The following VCAN variants were observed in gnomAD, a reference collection of about 807,000 sequenced individuals.
VCAN encodes the protein versican core protein.
VCAN carries 44 observed loss-of-function variants against 245.5 expected under a neutral mutation model. The ratio of observed to expected loss-of-function variants is 0.18; its 90% CI spans 0.14 to 0.23. The LOEUF (loss-of-function observed/expected upper bound fraction) is 0.23. Among genes scored for constraint, VCAN ranks in the 10% least tolerant of loss-of-function variants. The pLI, the probability that VCAN is intolerant of heterozygous loss-of-function variation, is 1.00. For missense variants in VCAN, 3,793 were observed against 4,057.9 expected, an observed-to-expected ratio of 0.93 and a Z score of 1.77; for synonymous variants, 1,413 against 1,437.0, an observed-to-expected ratio of 0.98 and a Z score of 0.38.
chr5:83,509,040 GAA>G (rs1745564440), intron 5 of VCAN, among the ~76,000 whole-genome samples: 3 of 142,470 alleles, frequency 2.1e-5, no homozygotes, highest in Non-Finnish European at 4.6e-5. Context: ...TGAAAAGAAA[GAA>G]AGAAAGAAAG....
intron 7 of VCAN, among the ~76,000 whole-genome samples, chr5:83,534,451 G>T (rs918636289): frequency 6.6e-6 from 1 of 151,992 alleles, no homozygotes; most frequent in Non-Finnish European, 1.5e-5. Flanking sequence ...GCTTGACACT[G>T]ACCCATGTTT....
chr5:83,490,590 G>T, intron 3 of VCAN, 118 bp downstream of exon 3: 1 of 1,425,190 alleles, frequency 7.0e-7, no homozygotes, highest in African/African-American at 1.4e-5. Context: ...AAAAACACCT[G>T]TCAATCCAGT....
chr5:83,506,877 A>C (rs1209179473), intron 5 of VCAN, among the ~76,000 whole-genome samples: 1 of 152,182 alleles, frequency 6.6e-6, no homozygotes, highest in Non-Finnish European at 1.5e-5. Context: ...AGGAAGAAGC[A>C]AAAGCAGAAA....
At chr5:83,536,701 C>T (rs1746725051) in intron 7 of VCAN, 1 of 200,108 alleles carries the variant, frequency 5.0e-6, no homozygotes, top group Admixed American at 5.6e-5. Flanking sequence ...AATTCCTGCA[C>T]TTCAAGATTA....
Position 83,540,721 on chromosome 5 carries a change from A to G in VCAN, c.7718A>G (p.Asp2573Gly). ...GAAATTCTACCTGAGCTGACATCGG[A>G]TAAAAATACTATCATAGATATTGAT... The part of the protein sequence containing the change: ...ILEILPELTS[D>G]KNTIIDIDHT... Residue 2573 changes from aspartate to glycine, a missense_variant, in exon 8 of 15, where the codon GAT becomes GGT. By Grantham distance (94) the Asp-to-Gly change is moderately conservative. Coordinates refer to ENST00000265077, the MANE Select transcript of VCAN (RefSeq NM_004385.5). 6.2e-7 allele frequency: 1 copy of G among 1,613,984 alleles called. No homozygotes were observed. The highest frequency in any genetic ancestry group is 8.5e-7 in the Non-Finnish European group (1 of 1,179,968).
At chr5:83,549,006 T>C (rs1388724237) in intron 10 of VCAN, among the ~76,000 whole-genome samples, 2 of 152,200 alleles carry the variant, frequency 1.3e-5, no homozygotes, top group Admixed American at 6.5e-5. Flanking sequence ...GGTTTTTTTC[T>C]TTTTTTATTG....
At position 83,520,460 on chromosome 5, in the gene VCAN, A is replaced by G; in HGVS notation, c.2154A>G (p.Glu718=). The change falls in exon 7 of 15, where the codon GAA becomes GAG. Residue 718 remains glutamate (E), a synonymous_variant. Coordinates refer to ENST00000265077, the MANE Select transcript of VCAN (RefSeq NM_004385.5). ...GTCCATTTATGGGAAAAACAGAAGA[A>G]GAAGTCTTCTCTGGGATGAAACTCT... ...TKSPFMGKTE[E]EVFSGMKLST... is the part of the protein sequence containing the mutation. 6.2e-7 allele frequency: 1 copy of G among 1,614,014 alleles called. No individual in the cohort carries two copies. Among genetic ancestry groups the G allele is most frequent in the Non-Finnish European group, 8.5e-7 (1 of 1,179,974 alleles).
At chr5:83,534,626 G>A (rs1251169833) in intron 7 of VCAN, among the ~76,000 whole-genome samples, 2 of 151,998 alleles carry the variant, frequency 1.3e-5, no homozygotes, top group African/African-American at 4.8e-5. Flanking sequence ...TAAAATGGTA[G>A]TGTGAGCAGT....
In VCAN at chr5:83,581,463, G is replaced by A. The variant is rs891563222; in HGVS notation, c.*1029G>A. The A allele has an allele frequency of 6.6e-6, 1 of 152,034 alleles. No individual in the cohort carries two copies. The highest frequency in any genetic ancestry group is 2.4e-5 in the African/African-American group (1 of 41,392). The allele number at this position is 152,034 out of a possible 1,614,324, so 9.4% of individuals were successfully genotyped here. On this transcript the variant is annotated 3_prime_UTR_variant, in exon 15 of 15. Coordinates refer to ENST00000265077, the MANE Select transcript of VCAN (RefSeq NM_004385.5). ...TAAGCCATACTGATTTAATTTATTG[G>A]ATGTTATTTTCCCTAAGACCTGAAA... is the stretch of plus-strand genomic sequence containing the variant.
intron 5 of VCAN, among the ~76,000 whole-genome samples, chr5:83,499,318 G>A (rs1359496038): frequency 6.6e-6 from 1 of 152,026 alleles, no homozygotes; most frequent in Admixed American, 6.6e-5. Flanking sequence ...GCTCCTAGTA[G>A]AGATAAGACC....
intron 13 of VCAN, among the ~76,000 whole-genome samples, chr5:83,575,318 G>A (rs985010622): frequency 6.6e-6 from 1 of 152,166 alleles, no homozygotes; most frequent in African/African-American, 2.4e-5. Flanking sequence ...TACATGAGAA[G>A]CTTTCCTGAC....
Position 83,539,655 on chromosome 5 carries a change from G to A in VCAN, c.6652G>A (p.Ala2218Thr). ...ATALVTESIP[A>T]EHVVTDSPIK... ...TGCATTAGTAACTGAATCTATACCA[G>A]CTGAACATGTAGTCACAGATTCACC... The change falls in exon 8 of 15, where the codon GCT becomes ACT. Residue 2218 changes from alanine to threonine, a missense_variant. Around this residue, in one of 5 missense-constraint regions of VCAN, gnomAD observed 3,182 missense variants for 3,250.3 expected, o/e 0.98. Coordinates refer to ENST00000265077, the MANE Select transcript of VCAN (RefSeq NM_004385.5). 1.2e-6 allele frequency: 2 copies of A among 1,613,898 alleles called. No individual in the cohort carries two copies. Among genetic ancestry groups the A allele is most frequent in the Non-Finnish European group, 1.7e-6 (2 of 1,179,998 alleles).
At chr5:83,553,669 C>A in intron 11 of VCAN, 147 bp downstream of exon 11, 1 of 1,152,172 alleles carries the variant, frequency 8.7e-7, no homozygotes, top group Non-Finnish European at 1.2e-6. Context: ...AAAATCATCT[C>A]ACCTATGTTA....
chr5:83,519,788 A>G lies in VCAN; in HGVS notation c.1482A>G (p.Glu494=). Residue 494 remains glutamate (E), a synonymous_variant, in exon 7 of 15, where the codon GAA becomes GAG. Coordinates refer to ENST00000265077, the MANE Select transcript of VCAN (RefSeq NM_004385.5). ...QESVTQIEQI[E]VGPLVTSMEI... ...CGGTTACACAGATTGAACAAATAGA[A>G]GTGGGTCCTTTGGTAACATCTATGG... 1 of 1,614,184 alleles carries G rather than the reference A, an allele frequency of 6.2e-7. No individual in the cohort carries two copies. Among genetic ancestry groups the G allele is most frequent in the South Asian group, 1.1e-5 (1 of 91,090 alleles).
chr5:83,545,029 A>T (rs895550312), intron 8 of VCAN: 1 of 190,792 alleles, frequency 5.2e-6, no homozygotes, highest in Non-Finnish European at 1.1e-5. Flanking sequence ...AAGAGACTTC[A>T]GTGCACACTT....
chr5:83,534,770 T>A (rs1428811184), intron 7 of VCAN, among the ~76,000 whole-genome samples: 1 of 152,206 alleles, frequency 6.6e-6, no homozygotes, highest in African/African-American at 2.4e-5. Context: ...ATAAAATTAT[T>A]GATGTGAATA....
rs563678994 is a variant in VCAN, at chr5:83,475,486, A to G, written c.-7+3463A>G. 2.7e-4 allele frequency among the ~76,000 whole-genome samples: 41 copies of G among 152,314 alleles called. 1 individual carries two copies. The highest frequency in any genetic ancestry group is 1.2e-3 in the Admixed American group (19 of 15,302). ...ACCCATCCTGAAAATATTCACATAA[A>G]GTCCTAAAATAGGATGTTGTGAGTG... On this transcript the variant is annotated intron_variant, in intron 1 of 14. Transcript: ENST00000265077.
In VCAN at chr5:83,541,188, C is replaced by T; in HGVS notation, c.8185C>T (p.Gln2729Ter). The T allele has an allele frequency of 6.2e-7, 1 of 1,613,970 alleles. No homozygotes were observed. Among genetic ancestry groups the T allele is most frequent in the Non-Finnish European group, 8.5e-7 (1 of 1,180,000 alleles). Residue 2729 changes from glutamine to a stop codon, truncating the protein, a stop_gained, in exon 8 of 15, where the codon CAA (glutamine) becomes TAA (stop). Transcript: ENST00000265077. LOFTEE classifies it high-confidence loss of function. ...MFESSTLSDG[Q>*]AIADQSEIIP... ...TGAATCAAGCACTTTGTCTGATGGT[C>T]AAGCTATTGCAGACCAAAGTGAAAT...
At position 83,551,951 on chromosome 5, in the gene VCAN, A is replaced by G. The variant is rs375362094; in HGVS notation, c.9494-1413A>G. 3.9e-5 allele frequency among the ~76,000 whole-genome samples: 6 copies of G among 152,198 alleles called. No homozygotes were observed. The East Asian group carries it at 5.8e-4, about 15-fold the overall frequency. On this transcript the variant is annotated intron_variant, in intron 10 of 14. Transcript: ENST00000265077. ...CTAGCTGTGTCTTGAGTCCTTTCCT[A>G]TGAGACTTGGTGATCTCCAAACAAC...
Sources: gnomAD v4.1 joint callset for allele counts (sites outside exome capture counted in the v4.1 genomes callset) on GRCh38, gnomAD v4.1.1 for gene constraint, gnomAD v4.1.1 regional missense constraint, MANE v1.5 for transcripts, NCBI Gene and HGNC (gene_info 2026-07-23, HGNC 2026-07-21) for gene names.